The following EML4 variants were observed in gnomAD, a reference collection of about 807,000 sequenced individuals.
EML4 encodes the protein EMAP like 4.
A neutral mutation model predicts 129.0 loss-of-function variants in EML4; 72 were observed. The observed-to-expected ratio is 0.56, with a 90% CI of 0.46 to 0.68. The LOEUF (loss-of-function observed/expected upper bound fraction) is 0.68. Among genes scored for constraint, EML4 ranks in the 30% least tolerant of loss-of-function variants. The probability of loss-of-function intolerance (pLI) is 0.00; values close to 1 mark genes in which losing one functional copy is unlikely to be tolerated. For synonymous variants in EML4, 532 were observed against 405.0 expected (o/e 1.31, Z -3.77); for missense variants, 1,363 against 1,190.6 (o/e 1.14, Z -2.13).
rs562567673 is a variant in EML4, at chr2:42,169,548, C to T, written c.-64C>T. The T allele has an allele frequency of 1.3e-6, 2 of 1,568,388 alleles. No individual in the cohort carries two copies. On this transcript the variant is annotated 5_prime_UTR_variant, in exon 1 of 23. Transcript: ENST00000318522. ...CGGGTCAGGCTCAGCGTCGGCCACT[C>T]TGTCGGTCCGCTGAATGAAGTGCCC...
intron 17 of EML4, among the ~76,000 whole-genome samples, chr2:42,305,128 A>G (rs571752713): frequency 7.2e-5 from 11 of 152,164 alleles, no homozygotes; most frequent in African/African-American, 2.2e-4. Context: ...AAAAAATAAT[A>G]AGGCGAGTTG....
intron 1 of EML4, chr2:42,170,216 C>T (rs1267148855): frequency 6.6e-6 from 1 of 152,336 alleles, no homozygotes; most frequent in Non-Finnish European, 1.5e-5. Flanking sequence ...ACTTCCTTTT[C>T]AATCCCTCCA....
intron 17 of EML4, among the ~76,000 whole-genome samples, chr2:42,305,036 T>C (rs1572725809): frequency 6.6e-6 from 1 of 152,080 alleles, no homozygotes; most frequent in South Asian, 2.1e-4. Context: ...GGAGAATCAG[T>C]TGAACCTGGG....
intron 20 of EML4, 35 bp downstream of exon 20, chr2:42,325,589 G>T (rs60257412): frequency 6.1e-5 from 13 of 212,788 alleles, no homozygotes; most frequent in Admixed American, 1.1e-4. Flanking sequence ...ATATATATAT[G>T]CTATGATTAT....
intron 17 of EML4, among the ~76,000 whole-genome samples, chr2:42,309,029 T>A (rs576721400): frequency 6.6e-6 from 1 of 152,242 alleles, no homozygotes; most frequent in Non-Finnish European, 1.5e-5. Flanking sequence ...CTACATACAT[T>A]CATACATGAG....
intron 17 of EML4, among the ~76,000 whole-genome samples, chr2:42,310,856 C>T (rs1235342730): frequency 6.6e-6 from 1 of 152,194 alleles, no homozygotes; most frequent in Admixed American, 6.5e-5. Flanking sequence ...GAGATAGAGA[C>T]TCTGAGCCCA....
intron 1 of EML4, among the ~76,000 whole-genome samples, chr2:42,219,270 G>A (rs186536369): frequency 1.3e-5 from 2 of 152,272 alleles, no homozygotes; most frequent in African/African-American, 4.8e-5. Context: ...TCAACCAAAC[G>A]TGGATTGAAA....
chr2:42,210,833 C>T (rs1672846820), intron 1 of EML4, among the ~76,000 whole-genome samples: 1 of 152,122 alleles, frequency 6.6e-6, no homozygotes, highest in African/African-American at 2.4e-5. Flanking sequence ...TACTTTCTGG[C>T]ACTATAGAAT....
At chr2:42,233,524 G>C (rs940864197) in intron 1 of EML4, among the ~76,000 whole-genome samples, 1 of 151,490 alleles carries the variant, frequency 6.6e-6, no homozygotes, top group Non-Finnish European at 1.5e-5. Context: ...AGCCAGGGTG[G>C]TCTCAATCTC....
At chr2:42,196,143 A>G (rs1210976987) in intron 1 of EML4, among the ~76,000 whole-genome samples, 1 of 152,208 alleles carries the variant, frequency 6.6e-6, no homozygotes, top group Non-Finnish European at 1.5e-5. Flanking sequence ...AGCTTGTGCA[A>G]ATACTTCTCT....
At chr2:42,279,766 G>A (rs1031519396) in intron 6 of EML4, among the ~76,000 whole-genome samples, 7 of 136,728 alleles carry the variant, frequency 5.1e-5, no homozygotes, top group African/African-American at 1.5e-4. Flanking sequence ...GAGCCACCGC[G>A]CCCGGCTGTC....
chr2:42,280,155 A>T (rs891149062), intron 6 of EML4, among the ~76,000 whole-genome samples: 2 of 152,190 alleles, frequency 1.3e-5, no homozygotes, highest in African/African-American at 4.8e-5. Context: ...GTTGTTGTCT[A>T]TCCAAATAAT....
At chr2:42,229,951 A>G (rs1227526522) in intron 1 of EML4, among the ~76,000 whole-genome samples, 6 of 151,988 alleles carry the variant, frequency 3.9e-5, no homozygotes, top group Admixed American at 3.3e-4. Context: ...CATAAAAAGG[A>G]AGAAATACTA....
intron 19 of EML4, among the ~76,000 whole-genome samples, chr2:42,322,110 T>C (rs1669557072): frequency 6.6e-6 from 1 of 152,262 alleles, no homozygotes; most frequent in Admixed American, 6.5e-5. Context: ...GATAGACTGA[T>C]GGAACAGAAA....
chr2:42,188,295 A>C (rs1409876497), intron 1 of EML4, among the ~76,000 whole-genome samples: 4 of 152,174 alleles, frequency 2.6e-5, no homozygotes, highest in Non-Finnish European at 4.4e-5. Context: ...GGAAATGGAA[A>C]ATAATGTAGA....
chr2:42,331,567 AT>A lies in EML4; in HGVS notation c.*1367del, dbSNP rs1208374237. The A allele has an allele frequency of 2.2e-5, 5 of 223,466 alleles. No individual in the cohort carries two copies. Among genetic ancestry groups the A allele is most frequent in the Admixed American group, 5.7e-5 (1 of 17,414 alleles). 13.8% of individuals were successfully genotyped at this position (223,466 alleles called of 1,614,324 possible). On this transcript the variant is annotated 3_prime_UTR_variant, in exon 23 of 23. Transcript: ENST00000318522. ...TTGCTGCATTGTTTTGATACTTTCT[AT>A]TTTTTTGGTCAAATCATGTTTAGAA...
At chr2:42,270,326 A>T (rs994129536) in intron 6 of EML4, among the ~76,000 whole-genome samples, 2 of 152,180 alleles carry the variant, frequency 1.3e-5, no homozygotes. Context: ...TGGGAAGCCA[A>T]GGTGGGTGGA....
chr2:42,183,430 C>G lies in EML4; in HGVS notation c.25+13794C>G, dbSNP rs530203869. On this transcript the variant is annotated intron_variant, in intron 1 of 22. Transcript: ENST00000318522. ...CCTTTTTTCTTAGATGGTGGTGATA[C>G]AACCTGTGTGGGATATGGTTATGTC... is the stretch of plus-strand genomic sequence containing the variant. Among the ~76,000 whole-genome samples the G allele has an allele frequency of 1.3e-3, 199 of 152,280 alleles. 1 individual carries two copies. The highest frequency in any genetic ancestry group is 4.3e-3 in the African/African-American group (179 of 41,560).
intron 11 of EML4, among the ~76,000 whole-genome samples, chr2:42,291,382 CTCTT>C (rs1241892539): frequency 1.4e-5 from 2 of 147,396 alleles, no homozygotes; most frequent in Non-Finnish European, 3.0e-5. Context: ...TTAAAAACTT[CTCTT>C]TATCAAGACA....
Sources: gnomAD v4.1 joint callset for allele counts (sites outside exome capture counted in the v4.1 genomes callset) on GRCh38, gnomAD v4.1.1 for gene constraint, MANE v1.5 for transcripts, NCBI Gene and HGNC (gene_info 2026-07-23, HGNC 2026-07-21) for gene names.